Variants in PAK4 observed in about 807,000 individuals in gnomAD.
PAK4 encodes serine/threonine-protein kinase PAK 4.
Under a neutral mutation model 53.5 loss-of-function variants are expected in PAK4, and 49 were observed. The ratio of observed to expected loss-of-function variants is 0.92; its 90% CI spans 0.73 to 1.16. The LOEUF (loss-of-function observed/expected upper bound fraction) is 1.16, where lower values mean the gene tolerates loss of function less well. PAK4 is among the 50% of genes most tolerant of loss of function. The pLI, the probability that PAK4 is intolerant of heterozygous loss-of-function variation, is 0.00. For missense variants in PAK4, 824 were observed against 850.7 expected (o/e 0.97, Z 0.39); for synonymous variants, 376 against 375.6 (o/e 1.00, Z -0.01).
intron 4 of PAK4, 74 bp from the exon 6 acceptor site, chr19:39,174,857 G>A: frequency 1.3e-6 from 2 of 1,572,394 alleles, no homozygotes; most frequent in Non-Finnish European, 1.7e-6. Context: ...GGGGAGCCAG[G>A]GGGGTGGCGG....
chr19:39,130,550 A>G (rs1311399188), intron 1 of PAK4, among the ~76,000 whole-genome samples: 1 of 151,782 alleles, frequency 6.6e-6, no homozygotes, highest in Non-Finnish European at 1.5e-5. Flanking sequence ...GGTCGGAATG[A>G]CCTCGGAATG....
At chr19:39,162,813 C>T (rs561026735) in intron 1 of PAK4, among the ~76,000 whole-genome samples, 2 of 152,162 alleles carry the variant, frequency 1.3e-5, no homozygotes, top group African/African-American at 4.8e-5. Context: ...TGGACGGGTG[C>T]GTGGGTCGAT....
chr19:39,149,898 G>A (rs2074065604), intron 1 of PAK4, among the ~76,000 whole-genome samples: 2 of 152,114 alleles, frequency 1.3e-5, no homozygotes, highest in Admixed American at 6.6e-5. Flanking sequence ...TATATATAGA[G>A]AGAAAGAAAG....
exon 9 of PAK4, chr19:39,179,261 T>G (rs1035231113): frequency 6.6e-6 from 1 of 152,600 alleles, no homozygotes; most frequent in African/African-American, 2.4e-5. Flanking sequence ...CTGCCCTTAT[T>G]GGGGGACAGA....
At position 39,136,097 on chromosome 19, in the gene PAK4, C is replaced by T. The variant is rs1421505009; in HGVS notation, c.-23+10178C>T. Among the ~76,000 whole-genome samples the T allele has an allele frequency of 6.1e-4, 71 of 117,140 alleles. 1 individual carries two copies. The highest frequency in any genetic ancestry group is 1.8e-5 in the Non-Finnish European group (1 of 56,990). 76.8% of individuals were successfully genotyped at this position (117,140 alleles called of 152,430 possible). A position where few individuals can be genotyped will look rare whatever the true frequency, so the allele number is the denominator to read the frequency against. On this transcript the variant is annotated intron_variant, in intron 1 of 8. Transcript: ENST00000358301. The stretch of plus-strand genomic sequence containing the variant: ...TCCTTGTCACCCCTCTTCCTCGTCA[C>T]CCCCCTTCCTCATCATCCCCCTTCC...
At chr19:39,172,987 A>G in exon 3 of PAK4, 2 of 1,550,134 alleles carry the variant, frequency 1.3e-6, no homozygotes, top group Non-Finnish European at 8.7e-7. Flanking sequence ...GTTTGAGAAC[A>G]TGTCGGTGAC....
At position 39,144,887 on chromosome 19, in the gene PAK4, G is replaced by A. The variant is rs112836361; in HGVS notation, c.-23+18968G>A. Among the ~76,000 whole-genome samples the A allele has an allele frequency of 7.2e-5, 11 of 152,212 alleles. No homozygotes were observed. The East Asian group carries it at 1.4e-3, about 19-fold the overall frequency. Reference sequence around the variant, plus strand: ...GAGAAAGCTTTCAGTTGTCAGGATCGCTCTCCCGGTTTTTCCTGCATGGTG... The same window carrying A: ...GAGAAAGCTTTCAGTTGTCAGGATCACTCTCCCGGTTTTTCCTGCATGGTG... On this transcript the variant is annotated intron_variant, in intron 1 of 8. Coordinates refer to ENST00000358301, the Ensembl canonical transcript of PAK4.
intron 1 of PAK4, among the ~76,000 whole-genome samples, chr19:39,158,749 A>T (rs1600368157): frequency 6.6e-6 from 1 of 152,130 alleles, no homozygotes; most frequent in South Asian, 2.1e-4. Context: ...GCCTGGGGAC[A>T]CAGAGATGGC....
At chr19:39,134,007 C>A (rs2073763826) in intron 1 of PAK4, among the ~76,000 whole-genome samples, 1 of 152,136 alleles carries the variant, frequency 6.6e-6, no homozygotes, top group Non-Finnish European at 1.5e-5. Flanking sequence ...GGTGAAGACC[C>A]CTCCCTGCCC....
Position 39,169,776 on chromosome 19 carries a change from C to G in PAK4, c.204+19C>G. 2 of 1,561,980 alleles carry G rather than the reference C, an allele frequency of 1.3e-6. No homozygotes were observed. Among genetic ancestry groups the G allele is most frequent in the Non-Finnish European group, 1.7e-6 (2 of 1,149,592 alleles). The stretch of plus-strand genomic sequence containing the variant: ...CCCCAAGGTATGTGGCACCCACCAC[C>G]ACCTCCCCCAGCCCACCCCAACCCC... On this transcript the variant is annotated intron_variant, in intron 2 of 8. Coordinates refer to ENST00000358301, the Ensembl canonical transcript of PAK4.
At chr19:39,164,277 CAAAAA>C (rs57848634) in intron 1 of PAK4, among the ~76,000 whole-genome samples, 2 of 77,752 alleles carry the variant, frequency 2.6e-5, no homozygotes. Flanking sequence ...AACTCTGTCT[CAAAAA>C]AAAAAAAAAA....
chr19:39,163,020 G>A (rs1158569577), intron 1 of PAK4, among the ~76,000 whole-genome samples: 1 of 152,176 alleles, frequency 6.6e-6, no homozygotes, highest in Non-Finnish European at 1.5e-5. Context: ...AGGTTTGGAG[G>A]CAGGAATGGC....
chr19:39,174,479 C>T (rs1268026615), intron 4 of PAK4, among the ~76,000 whole-genome samples: 2 of 151,828 alleles, frequency 1.3e-5, no homozygotes, highest in South Asian at 2.1e-4. Context: ...TGCCCCGTAG[C>T]ACCCTGACGA....
intron 1 of PAK4, among the ~76,000 whole-genome samples, chr19:39,142,530 C>G (rs888157651): frequency 6.6e-6 from 1 of 152,158 alleles, no homozygotes; most frequent in African/African-American, 2.4e-5. Flanking sequence ...GTGGGAGGGA[C>G]CAAAGGACTG....
intron 1 of PAK4, among the ~76,000 whole-genome samples, chr19:39,140,144 T>G (rs987884508): frequency 6.6e-6 from 1 of 152,050 alleles, no homozygotes; most frequent in African/African-American, 2.4e-5. Flanking sequence ...TCTCTCCCTG[T>G]TTTTCTGCCT....
rs200114013 is a variant in PAK4, at chr19:39,169,792, C to T, written c.204+35C>T. ...ACCCACCACCACCTCCCCCAGCCCACCCCAACCCCCGAGTGGCCCTGGCCC... is the reference window on the plus strand; with the variant it reads ...ACCCACCACCACCTCCCCCAGCCCATCCCAACCCCCGAGTGGCCCTGGCCC... On this transcript the variant is annotated intron_variant, in intron 2 of 8. Coordinates refer to ENST00000358301, the Ensembl canonical transcript of PAK4. The T allele has an allele frequency of 2.0e-5, 29 of 1,477,938 alleles. No homozygotes were observed. The African/African-American group carries it at 2.9e-4, about 15-fold the overall frequency. 91.6% of individuals were successfully genotyped at this position (1,477,938 alleles called of 1,614,324 possible). A position where few individuals can be genotyped will look rare whatever the true frequency, so the allele number is the denominator to read the frequency against.
rs691381 is a variant in PAK4, at chr19:39,150,980, C to T, written c.-22-18552C>T. 2.3e-3 allele frequency among the ~76,000 whole-genome samples: 357 copies of T among 152,274 alleles called. 1 individual carries two copies. Among genetic ancestry groups the T allele is most frequent in the African/African-American group, 7.9e-3 (329 of 41,546 alleles). Reference sequence around the variant, plus strand: ...CCCCGCACAGGCGGCACGTGACAGACGTGCATTAGATTTCTGTCGGTGGAC... The same window carrying T: ...CCCCGCACAGGCGGCACGTGACAGATGTGCATTAGATTTCTGTCGGTGGAC... On this transcript the variant is annotated intron_variant, in intron 1 of 8. Transcript: ENST00000358301.
At position 39,173,399 on chromosome 19, in the gene PAK4, G is replaced by T; in HGVS notation, c.663+23G>T. 3 of 1,491,272 alleles carry T rather than the reference G, an allele frequency of 2.0e-6. No individual in the cohort carries two copies. Among genetic ancestry groups the T allele is most frequent in the Non-Finnish European group, 2.7e-6 (3 of 1,115,004 alleles). 92.4% of individuals were successfully genotyped at this position (1,491,272 alleles called of 1,614,324 possible). On this transcript the variant is annotated intron_variant, in intron 3 of 8. Transcript: ENST00000358301. The surrounding 1 kb of genome is among the most constrained non-coding windows in gnomAD (Gnocchi z 6.9). ...CAGGTAACCCATCCCCCGCCCCAGG[G>T]CCCCCACTGTCCCCTGCCCGTTGCT...
chr19:39,140,284 C>T (rs895560632), intron 1 of PAK4, among the ~76,000 whole-genome samples: 4 of 152,128 alleles, frequency 2.6e-5, no homozygotes, highest in Non-Finnish European at 5.9e-5. Context: ...GTTCTGCAGG[C>T]CCAGGACATC....
Sources: gnomAD v4.1 joint callset for allele counts (sites outside exome capture counted in the v4.1 genomes callset) on GRCh38, gnomAD v4.1.1 for gene constraint, Gnocchi (gnomAD v3.1) non-coding constraint, MANE v1.5 for transcripts, NCBI Gene and HGNC (gene_info 2026-07-23, HGNC 2026-07-21) for gene names.